The following DLGAP2 variants were observed in gnomAD, a reference collection of about 807,000 sequenced individuals.
The protein encoded by DLGAP2 is DLG associated protein 2.
DLGAP2 carries 26 observed loss-of-function variants against 100.3 expected under a neutral mutation model. The observed-to-expected ratio is 0.26, with a 90% CI of 0.19 to 0.36. The LOEUF (loss-of-function observed/expected upper bound fraction) is 0.36. Among genes scored for constraint, DLGAP2 ranks in the 10% least tolerant of loss-of-function variants. DLGAP2 has a pLI of 1.00. For synonymous variants in DLGAP2, 886 were observed against 630.1 expected, an observed-to-expected ratio of 1.41 and a Z score of -6.08; for missense variants, 1,858 against 1,453.2, an observed-to-expected ratio of 1.28 and a Z score of -4.53.
chr8:1,318,435 C>A, intron 3 of DLGAP2, among the ~76,000 whole-genome samples: 1 of 150,608 alleles, frequency 6.6e-6, no homozygotes, highest in East Asian at 1.9e-4. Context: ...TAGTGACCTT[C>A]GTTTCTTCGT....
At chr8:1,366,437 A>G (rs1300877975) in intron 3 of DLGAP2, among the ~76,000 whole-genome samples, 1 of 152,184 alleles carries the variant, frequency 6.6e-6, no homozygotes, top group Admixed American at 6.5e-5. Context: ...TCAGGGCAGC[A>G]AGAACAGACG....
At chr8:1,214,057 C>A (rs1798162372) in intron 2 of DLGAP2, among the ~76,000 whole-genome samples, 1 of 149,022 alleles carries the variant, frequency 6.7e-6, no homozygotes, top group African/African-American at 2.6e-5. Context: ...CTGTCCTCAC[C>A]TCCATGTGGT....
intron 2 of DLGAP2, among the ~76,000 whole-genome samples, chr8:1,080,518 A>G (rs1284051888): frequency 6.6e-6 from 1 of 152,192 alleles, no homozygotes; most frequent in Non-Finnish European, 1.5e-5. Context: ...GGGACTCATC[A>G]GGCGGAATAG....
At chr8:926,583 G>A (rs1358420769) in intron 2 of DLGAP2, among the ~76,000 whole-genome samples, 1 of 152,240 alleles carries the variant, frequency 6.6e-6, no homozygotes, top group Non-Finnish European at 1.5e-5. Context: ...TGCTCCTGCT[G>A]GGAGGAGAGC....
chr8:817,281 TTTCTCTAA>T (rs1383169341), intron 1 of DLGAP2, among the ~76,000 whole-genome samples: 1 of 152,256 alleles, frequency 6.6e-6, no homozygotes. Context: ...GCATTTTGCA[TTTCTCTAA>T]GTTTGAACTT....
At chr8:1,198,016 A>T (rs187928775) in intron 2 of DLGAP2, among the ~76,000 whole-genome samples, 15 of 152,260 alleles carry the variant, frequency 9.9e-5, no homozygotes, top group Admixed American at 9.8e-4. Context: ...TGGGTCATTC[A>T]GGGACCCACT....
intron 2 of DLGAP2, among the ~76,000 whole-genome samples, chr8:1,067,604 CG>C (rs1803296315): frequency 7.1e-6 from 1 of 140,304 alleles, no homozygotes; most frequent in Non-Finnish European, 1.5e-5. Context: ...GGTTGAGTGA[CG>C]TGTGTGTGTG....
Position 1,626,891 on chromosome 8 carries a change from A to C in DLGAP2, c.1590+4A>C. 1 of 1,591,174 alleles carries C rather than the reference A, an allele frequency of 6.3e-7. No homozygotes were observed. The highest frequency in any genetic ancestry group is 8.6e-7 in the Non-Finnish European group (1 of 1,169,064). ...CCAGGCCAGCTGCGTGAGCCAGGTCAGGGTCCCTTCGCCCTTTCTCCCTGG... is the reference window on the plus strand; with the variant it reads ...CCAGGCCAGCTGCGTGAGCCAGGTCCGGGTCCCTTCGCCCTTTCTCCCTGG... On this transcript the variant is annotated splice_donor_region_variant and intron_variant, in intron 7 of 14. Transcript: ENST00000637795.
rs567068478 is a variant in DLGAP2, at chr8:1,495,732, G to A, written c.107-5634G>A. Among the ~76,000 whole-genome samples the A allele has an allele frequency of 9.2e-5, 14 of 152,332 alleles. No homozygotes were observed. In the South Asian group the frequency reaches 2.1e-3, roughly 23 times the overall value. On this transcript the variant is annotated intron_variant, in intron 3 of 14. Transcript: ENST00000637795. ...ATCGTCTCGCAGGCAGCTCCAGCTCGAGTGGTGGCCGTGCTGGGTCTGTGC... is the reference window on the plus strand; with the variant it reads ...ATCGTCTCGCAGGCAGCTCCAGCTCAAGTGGTGGCCGTGCTGGGTCTGTGC...
Position 1,417,634 on chromosome 8 carries a change from GGGGGGCACGGGGAGCCCCAC to G in DLGAP2, c.107-83731_107-83712del, listed in dbSNP as rs1563134089. On this transcript the variant is annotated intron_variant, in intron 3 of 14. Transcript: ENST00000637795. ...GGACTTCACTGCGTGGCCGCCTCCA[GGGGGGCACGGGGAGCCCCAC>G]TCCTGCCTCACTCCGCGAGGCTCCA... 1.0e-3 allele frequency among the ~76,000 whole-genome samples: 154 copies of G among 146,816 alleles called. 15 individuals are homozygous for G. Among genetic ancestry groups the G allele is most frequent in the Middle Eastern group, 3.8e-3 (1 of 260 alleles).
At chr8:1,107,674 C>T (rs1804821671) in intron 2 of DLGAP2, among the ~76,000 whole-genome samples, 1 of 152,228 alleles carries the variant, frequency 6.6e-6, no homozygotes, top group East Asian at 1.9e-4. Context: ...TTCCCCTGCT[C>T]TTCCCTGCTC....
chr8:1,344,264 G>A (rs34915218), intron 3 of DLGAP2, among the ~76,000 whole-genome samples: 12 of 138,488 alleles, frequency 8.7e-5, no homozygotes, highest in Admixed American at 1.5e-4. Flanking sequence ...GTCTCCCCTC[G>A]AGCTACGTGC....
rs538824773 is a variant in DLGAP2, at chr8:764,737, G to A, written c.18+26912G>A. Among the ~76,000 whole-genome samples the A allele has an allele frequency of 1.2e-3, 178 of 152,246 alleles. 1 individual carries two copies. Among genetic ancestry groups the A allele is most frequent in the African/African-American group, 3.4e-3 (140 of 41,538 alleles). Reference sequence around the variant, plus strand: ...TTGTAGTAGAGGAATGACTTGTGCCGTCTTCTAAGCTGTTGTGTAAGGGGC... The same window carrying A: ...TTGTAGTAGAGGAATGACTTGTGCCATCTTCTAAGCTGTTGTGTAAGGGGC... On this transcript the variant is annotated intron_variant, in intron 1 of 14. Transcript: ENST00000637795.
At chr8:1,191,568 C>T (rs956154485) in intron 2 of DLGAP2, among the ~76,000 whole-genome samples, 19 of 152,336 alleles carry the variant, frequency 1.2e-4, no homozygotes, top group African/African-American at 4.3e-4. Context: ...TTCTGAAAAT[C>T]CGCCCTCTGC....
At chr8:1,501,742 G>C (rs1799731307) in intron 4 of DLGAP2, among the ~76,000 whole-genome samples, 1 of 152,142 alleles carries the variant, frequency 6.6e-6, no homozygotes, top group Admixed American at 6.5e-5. Context: ...CATATTCTAA[G>C]CAAACTCAGG....
At chr8:807,768 A>T (rs1199854575) in intron 1 of DLGAP2, among the ~76,000 whole-genome samples, 3 of 152,234 alleles carry the variant, frequency 2.0e-5, no homozygotes, top group African/African-American at 7.2e-5. Context: ...TTAGCTACTT[A>T]GCTGTCTCTT....
intron 3 of DLGAP2, among the ~76,000 whole-genome samples, chr8:1,448,214 G>A (rs1293257706): frequency 6.6e-6 from 1 of 152,002 alleles, no homozygotes; most frequent in Admixed American, 6.6e-5. Flanking sequence ...GCTTTCTTTT[G>A]TGGGCATTTA....
intron 8 of DLGAP2, among the ~76,000 whole-genome samples, chr8:1,661,816 CT>C (rs1798415351): frequency 6.6e-6 from 1 of 152,200 alleles, no homozygotes; most frequent in South Asian, 2.1e-4. Flanking sequence ...CTATGTTTAT[CT>C]AAAGAAACCC....
intron 3 of DLGAP2, among the ~76,000 whole-genome samples, chr8:1,309,832 C>T (rs1345610313): frequency 2.0e-5 from 3 of 152,192 alleles, no homozygotes; most frequent in South Asian, 2.1e-4. Flanking sequence ...CCGTGGCTGA[C>T]GCCTGTAATC....
Sources: allele counts gnomAD v4.1 joint callset (sites outside exome capture counted in the v4.1 genomes callset), GRCh38; gene constraint gnomAD v4.1.1; transcripts MANE v1.5; gene names NCBI Gene and HGNC (gene_info 2026-07-23, HGNC 2026-07-21).